CACNA1A: variants seen among roughly 807,000 people sequenced by gnomAD.
The protein encoded by CACNA1A is calcium voltage-gated channel subunit alpha1 A.
Under a neutral mutation model 262.4 loss-of-function variants are expected in CACNA1A, and 57 were observed. That is an observed-to-expected ratio of 0.22 (90% CI 0.18 to 0.27). The LOEUF is 0.27. Ranked by LOEUF, CACNA1A falls within the 10% of genes least tolerant of loss-of-function variation. The pLI, the probability that CACNA1A is intolerant of heterozygous loss-of-function variation, is 1.00. For synonymous variants in CACNA1A, 1,431 were observed against 1,419.3 expected (o/e 1.01, Z -0.18); for missense variants, 2,526 against 3,562.8 (o/e 0.71, Z 7.41).
intron 1 of CACNA1A, among the ~76,000 whole-genome samples, chr19:13,476,563 A>G (rs921170919): frequency 7.9e-5 from 12 of 152,110 alleles, no homozygotes; most frequent in Admixed American, 3.3e-4. Context: ...GAAGGGAGAA[A>G]CTGGAAGTAA....
intron 19 of CACNA1A, among the ~76,000 whole-genome samples, chr19:13,288,229 C>CT (rs1265247913): frequency 6.8e-6 from 1 of 147,650 alleles, no homozygotes; most frequent in Non-Finnish European, 1.5e-5. Flanking sequence ...TTCTTTCTTT[C>CT]TTTTTCTTTT....
chr19:13,492,207 T>C (rs1346319545), intron 1 of CACNA1A, among the ~76,000 whole-genome samples: 2 of 152,158 alleles, frequency 1.3e-5, no homozygotes, highest in African/African-American at 4.8e-5. Context: ...CATGCCTCAA[T>C]TTCAACAGAA....
intron 30 of CACNA1A, among the ~76,000 whole-genome samples, chr19:13,246,634 T>G (rs996628758): frequency 6.6e-6 from 1 of 151,622 alleles, no homozygotes; most frequent in Non-Finnish European, 1.5e-5. Flanking sequence ...TCTGTTTGTT[T>G]TTTTTTTTTG....
intron 1 of CACNA1A, among the ~76,000 whole-genome samples, chr19:13,476,401 A>G (rs764849654): frequency 6.6e-6 from 1 of 152,180 alleles, no homozygotes; most frequent in Non-Finnish European, 1.5e-5. Flanking sequence ...TTGCCAACTC[A>G]TCATCACCAT....
At chr19:13,231,983 G>T in intron 34 of CACNA1A, 123 bp from the exon 35 acceptor site, 2 of 856,922 alleles carry the variant, frequency 2.3e-6, no homozygotes, top group South Asian at 1.8e-5. Flanking sequence ...CAAGCCCCAG[G>T]TGGACCACCT....
intron 30 of CACNA1A, among the ~76,000 whole-genome samples, chr19:13,247,513 G>A: frequency 6.6e-6 from 1 of 152,224 alleles, no homozygotes; most frequent in East Asian, 1.9e-4. Context: ...ATAACATGGT[G>A]AATCCCCATC....
chr19:13,277,351 C>A (rs1021910702), intron 22 of CACNA1A: 8 of 461,942 alleles, frequency 1.7e-5, no homozygotes, highest in South Asian at 1.6e-4. Context: ...CAGATGGCAG[C>A]AAATCCTAAC....
Position 13,434,937 on chromosome 19 carries a change from G to A in CACNA1A, c.539+17939C>T, listed in dbSNP as rs188579807. 6.3e-4 allele frequency among the ~76,000 whole-genome samples: 96 copies of A among 151,200 alleles called. No individual in the cohort carries two copies. In the East Asian group the frequency reaches 0.012, roughly 18 times the overall value. ...CCTGAGTAGCTGGGACCACAGGCGC[G>A]TGCCACCACACCTGGCTAATTTTTG... is the stretch of plus-strand genomic sequence containing the variant. On this transcript the variant is annotated intron_variant, in intron 3 of 46. Coordinates refer to ENST00000360228, the MANE Select transcript of CACNA1A (RefSeq NM_001127222.2).
chr19:13,460,967 G>A (rs951963577), intron 1 of CACNA1A, among the ~76,000 whole-genome samples: 1 of 152,002 alleles, frequency 6.6e-6, no homozygotes, highest in Non-Finnish European at 1.5e-5. Flanking sequence ...ATGCACGTGG[G>A]GATTTTTTGT....
intron 36 of CACNA1A, among the ~76,000 whole-genome samples, chr19:13,229,460 G>A (rs1209796008): frequency 6.6e-6 from 1 of 152,168 alleles, no homozygotes; most frequent in Non-Finnish European, 1.5e-5. Flanking sequence ...TGCACAAGGT[G>A]GAACCCACCC....
chr19:13,291,077 A>C (rs1309545665), intron 19 of CACNA1A, among the ~76,000 whole-genome samples: 1 of 152,066 alleles, frequency 6.6e-6, no homozygotes, highest in Non-Finnish European at 1.5e-5. Flanking sequence ...GAGAACTCAA[A>C]AGGGGCAGAA....
At chr19:13,413,087 CAA>C (rs938978425) in intron 3 of CACNA1A, among the ~76,000 whole-genome samples, 1 of 147,006 alleles carries the variant, frequency 6.8e-6, no homozygotes, top group Non-Finnish European at 1.5e-5. Flanking sequence ...TCCATCTCTA[CAA>C]AAAGTTTTTT....
At chr19:13,334,097 C>G in intron 8 of CACNA1A, 1 of 380,976 alleles carries the variant, frequency 2.6e-6, no homozygotes. Flanking sequence ...AACGGAGGTA[C>G]AGGGATGTGT....
chr19:13,469,458 C>CTT (rs1568678224), intron 1 of CACNA1A, among the ~76,000 whole-genome samples: 1 of 133,802 alleles, frequency 7.5e-6, no homozygotes, highest in African/African-American at 2.9e-5. Flanking sequence ...CTTGAACCAC[C>CTT]TCTTTTTTTT....
In CACNA1A at chr19:13,236,207, A is replaced by G. The variant is rs556594777; in HGVS notation, c.4951-477T>C. ...TATCATACGTGTACGATGCACAAACACCAGGGCGGGGGTGGGGGTGGAGGT... is the reference window on the plus strand; with the variant it reads ...TATCATACGTGTACGATGCACAAACGCCAGGGCGGGGGTGGGGGTGGAGGT... On this transcript the variant is annotated intron_variant, in intron 31 of 46. Coordinates refer to ENST00000360228, the MANE Select transcript of CACNA1A (RefSeq NM_001127222.2). This position sits in a 1 kb window ranked among gnomAD's most constrained non-coding sequence, Gnocchi z 4.6. 1.1e-4 allele frequency among the ~76,000 whole-genome samples: 14 copies of G among 125,954 alleles called. No individual in the cohort carries two copies. The East Asian group carries it at 4.0e-3, about 36-fold the overall frequency. 82.6% of individuals were successfully genotyped at this position (125,954 alleles called of 152,430 possible).
At chr19:13,270,827 T>G (rs530647807) in intron 24 of CACNA1A, among the ~76,000 whole-genome samples, 2 of 152,152 alleles carry the variant, frequency 1.3e-5, no homozygotes, top group African/African-American at 2.4e-5. Flanking sequence ...AGATGCTCCC[T>G]GTTGGACTCA....
rs968563378 is a variant in CACNA1A at position 13,418,804 on chromosome 19, G to A, written c.539+34072C>T. ...GTGCTACATAACGATGTTTTGATAT[G>A]TTTTGATCAACAGCGGACTGCCTAT... is the stretch of plus-strand genomic sequence containing the variant. On this transcript the variant is annotated intron_variant, in intron 3 of 46. Transcript: ENST00000360228. Among the ~76,000 whole-genome samples, 10 of 152,188 alleles carry A rather than the reference G, an allele frequency of 6.6e-5. No homozygotes were observed. The South Asian group carries it at 2.1e-3, about 31-fold the overall frequency.
chr19:13,365,679 T>A (rs1279081865), intron 4 of CACNA1A: 18 of 496,902 alleles, frequency 3.6e-5, no homozygotes, highest in Non-Finnish European at 6.1e-5. Context: ...GGTTTTTTTT[T>A]TCCTTTGAGA....
intron 31 of CACNA1A, among the ~76,000 whole-genome samples, chr19:13,238,537 CT>C (rs1208134267): frequency 6.6e-6 from 1 of 152,036 alleles, no homozygotes; most frequent in Non-Finnish European, 1.5e-5. Flanking sequence ...ATGCCCACAC[CT>C]ATTCTCTTCC....
Sources: allele counts gnomAD v4.1 joint callset (sites outside exome capture counted in the v4.1 genomes callset), GRCh38; gene constraint gnomAD v4.1.1; non-coding constraint Gnocchi (gnomAD v3.1); transcripts MANE v1.5; gene names NCBI Gene and HGNC (gene_info 2026-07-23, HGNC 2026-07-21).